Variants in GOLGA8B observed in about 807,000 individuals in gnomAD.
GOLGA8B encodes golgin subfamily A member 8B.
Under a neutral mutation model 15.6 loss-of-function variants are expected in GOLGA8B, and 1 was observed. The observed-to-expected ratio is 0.06, with a 90% CI of 0.02 to 0.30. The LOEUF (loss-of-function observed/expected upper bound fraction) is 0.30, where lower values mean the gene tolerates loss of function less well. Ranked by LOEUF, GOLGA8B falls within the 10% of genes least tolerant of loss-of-function variation. The pLI is 1.00. For synonymous variants in GOLGA8B, 9 were observed against 80.3 expected (o/e 0.11, Z 4.75); for missense variants, 17 against 201.3 (o/e 0.08, Z 5.54).
At chr15:34,573,571 G>T (rs1319104661) in intron 1 of GOLGA8B, among the ~76,000 whole-genome samples, 1 of 144,716 alleles carries the variant, frequency 6.9e-6, no homozygotes, top group Non-Finnish European at 1.5e-5. Context: ...AAATTCACCA[G>T]AAGTTCCCAA....
At chr15:34,557,666 G>GTGTGTGTGTGTGTGTGTGTGTGTC (rs1888527199) in intron 1 of GOLGA8B, among the ~76,000 whole-genome samples, 1 of 108,224 alleles carries the variant, frequency 9.2e-6, no homozygotes, top group African/African-American at 3.4e-5. Flanking sequence ...GTGTGTGTGT[G>GTGTGTGTGTGTGTGTGTGTGTGTC]TGTGTGTGTG....
intron 1 of GOLGA8B, among the ~76,000 whole-genome samples, chr15:34,573,697 G>A (rs778221127): frequency 1.3e-5 from 2 of 152,110 alleles, no homozygotes; most frequent in Non-Finnish European, 2.9e-5. Context: ...TCAGCCAGAG[G>A]AAATCTAAAA....
chr15:34,552,193 C>T (rs1243270115), intron 3 of GOLGA8B: 1 of 135,456 alleles, frequency 7.4e-6, no homozygotes, highest in African/African-American at 2.9e-5. Flanking sequence ...TAAGGTCTTT[C>T]AGCATTTGCT....
chr15:34,546,898 A>G lies in GOLGA8B; in HGVS notation c.-527+37T>C, dbSNP rs1888303667. 4.3e-5 allele frequency: 4 copies of G among 93,582 alleles called. No homozygotes were observed. In the South Asian group the frequency reaches 1.7e-3, roughly 41 times the overall value. The allele number at this position is 93,582 out of a possible 1,614,324, so 5.8% of individuals were successfully genotyped here. Reference sequence around the variant, plus strand: ...TATTCGTTACCCCGTATGAATCCATAAAGAAGTAGCCATTAGCAAATTCAG... The same window carrying G: ...TATTCGTTACCCCGTATGAATCCATGAAGAAGTAGCCATTAGCAAATTCAG... On this transcript the variant is annotated intron_variant, in intron 5 of 23. Coordinates refer to ENST00000683415, the MANE Select transcript of GOLGA8B (RefSeq NM_001023567.5).
At position 34,525,876 on chromosome 15, in the gene GOLGA8B, T is replaced by C. The variant is rs1430272571; in HGVS notation, c.*1756A>G. The C allele has an allele frequency of 4.7e-5, 7 of 149,262 alleles. 1 individual carries two copies. The highest frequency in any genetic ancestry group is 4.1e-4 in the Admixed American group (6 of 14,652). 9.2% of individuals were successfully genotyped at this position (149,262 alleles called of 1,614,324 possible). A position where few individuals can be genotyped will look rare whatever the true frequency, so the allele number is the denominator to read the frequency against. On this transcript the variant is annotated 3_prime_UTR_variant, in exon 24 of 24. Transcript: ENST00000683415. ...TCATGAGGCTGCCAAGTGCTAAAAA[T>C]GGAGATGGTCTAGTAACTAGAAAAC...
At chr15:34,577,505 CA>C (rs1411960492) in intron 1 of GOLGA8B, among the ~76,000 whole-genome samples, 6 of 50,394 alleles carry the variant, frequency 1.2e-4, no homozygotes, top group African/African-American at 3.8e-4. Flanking sequence ...AATTATATAT[CA>C]TACACACACA....
intron 1 of GOLGA8B, among the ~76,000 whole-genome samples, chr15:34,581,884 C>G (rs1889245693): frequency 6.6e-6 from 1 of 152,164 alleles, no homozygotes; most frequent in East Asian, 1.9e-4. Context: ...CAGTCCCAGC[C>G]CAGCCAGGGA....
chr15:34,525,867 T>C lies in GOLGA8B; in HGVS notation c.*1765A>G, dbSNP rs1307022058. On this transcript the variant is annotated 3_prime_UTR_variant, in exon 24 of 24. Transcript: ENST00000683415. Reference sequence around the variant, plus strand: ...ATAAAAGGATCATGAGGCTGCCAAGTGCTAAAAATGGAGATGGTCTAGTAA... The same window carrying C: ...ATAAAAGGATCATGAGGCTGCCAAGCGCTAAAAATGGAGATGGTCTAGTAA... 6.7e-6 allele frequency: 1 copy of C among 149,362 alleles called. No homozygotes were observed. Among genetic ancestry groups the C allele is most frequent in the Non-Finnish European group, 1.5e-5 (1 of 67,142 alleles). 9.3% of individuals were successfully genotyped at this position (149,362 alleles called of 1,614,324 possible).
chr15:34,525,530 T>TA lies in GOLGA8B; in HGVS notation c.*2101dup, dbSNP rs1257743644. The TA allele has an allele frequency of 6.7e-6, 1 of 150,048 alleles. No individual in the cohort carries two copies. The highest frequency in any genetic ancestry group is 1.5e-5 in the Non-Finnish European group (1 of 67,294). 9.3% of individuals were successfully genotyped at this position (150,048 alleles called of 1,614,324 possible). A position where few individuals can be genotyped will look rare whatever the true frequency, so the allele number is the denominator to read the frequency against. On this transcript the variant is annotated 3_prime_UTR_variant, in exon 24 of 24. Coordinates refer to ENST00000683415, the MANE Select transcript of GOLGA8B (RefSeq NM_001023567.5). ...ACAGTATTCATATTTTAAAATGTTT[T>TA]AACTTATTTCAGAACATAAAGATAG...
chr15:34,574,965 G>T (rs958380154), intron 1 of GOLGA8B: 2 of 152,260 alleles, frequency 1.3e-5, no homozygotes, highest in Non-Finnish European at 2.9e-5. Context: ...TATCGAGGCC[G>T]TGGACAGGAG....
chr15:34,579,280 A>G lies in GOLGA8B; in HGVS notation c.-1123+4236T>C, dbSNP rs569628183. On this transcript the variant is annotated intron_variant, in intron 1 of 23. Transcript: ENST00000683415. The stretch of plus-strand genomic sequence containing the variant: ...AACCAGGCCAGGACACACGCAGGAG[A>G]GAGTCAAGCAGGAGGAGGCTTCTGG... 2.0e-5 allele frequency among the ~76,000 whole-genome samples: 3 copies of G among 152,062 alleles called. No individual in the cohort carries two copies. In the East Asian group the frequency reaches 5.8e-4, roughly 30 times the overall value.
intron 7 of GOLGA8B, among the ~76,000 whole-genome samples, chr15:34,543,404 A>G (rs371146442): frequency 7.0e-6 from 1 of 142,948 alleles, no homozygotes; most frequent in East Asian, 2.1e-4. Flanking sequence ...ACGAGTTCTC[A>G]CCATGCTGCC....
At chr15:34,554,437 ACAC>A (rs1356838552) in intron 1 of GOLGA8B, among the ~76,000 whole-genome samples, 2 of 135,136 alleles carry the variant, frequency 1.5e-5, no homozygotes, top group Admixed American at 7.6e-5. Flanking sequence ...CACCAACCAC[ACAC>A]ATTACACACA....
chr15:34,581,362 C>G (rs1889230083), intron 1 of GOLGA8B: 1 of 152,400 alleles, frequency 6.6e-6, no homozygotes, highest in East Asian at 1.9e-4. Flanking sequence ...ACCTCACTAT[C>G]AACTGTTTTT....
chr15:34,528,163 C>CCCCACCCCACCCCCACG, intron 22 of GOLGA8B, 26 bp downstream of exon 22: 2 of 436,278 alleles, frequency 4.6e-6, no homozygotes, highest in Non-Finnish European at 7.6e-6. Flanking sequence ...CCACCCCCAC[C>CCCCACCCCACCCCCACG]CCCACAGGGA....
chr15:34,583,464 G>C (rs1889307051), intron 1 of GOLGA8B, 52 bp downstream of exon 1: 1 of 151,532 alleles, frequency 6.6e-6, no homozygotes, highest in Non-Finnish European at 1.5e-5. Context: ...GCCGCGGGCG[G>C]CCCCAGGTTG....
chr15:34,581,599 C>T (rs566794269), intron 1 of GOLGA8B: 1 of 151,776 alleles, frequency 6.6e-6, no homozygotes, highest in African/African-American at 2.4e-5. Flanking sequence ...AAGGTTAGAG[C>T]TACTTAAGAA....
In GOLGA8B at chr15:34,525,646, C is replaced by T. The variant is rs1894425536; in HGVS notation, c.*1986G>A. On this transcript the variant is annotated 3_prime_UTR_variant, in exon 24 of 24. Transcript: ENST00000683415. ...GGGCTAGAAATCATACCACTATTAG[C>T]CACATTATTTGGTCTAATATTTTTT... 1 of 149,684 alleles carries T rather than the reference C, an allele frequency of 6.7e-6. No homozygotes were observed. The highest frequency in any genetic ancestry group is 2.2e-4 in the South Asian group (1 of 4,640). The allele number at this position is 149,684 out of a possible 1,614,324, so 9.3% of individuals were successfully genotyped here.
At chr15:34,576,008 T>G (rs1423284591) in intron 1 of GOLGA8B, among the ~76,000 whole-genome samples, 1 of 152,238 alleles carries the variant, frequency 6.6e-6, no homozygotes, top group Non-Finnish European at 1.5e-5. Flanking sequence ...GTTGTACCAC[T>G]GCAGAGTCCC....
Sources: allele counts gnomAD v4.1 joint callset (sites outside exome capture counted in the v4.1 genomes callset), GRCh38; gene constraint gnomAD v4.1.1; transcripts MANE v1.5; gene names NCBI Gene and HGNC (gene_info 2026-07-23, HGNC 2026-07-21).